The following CDH12 variants were observed in gnomAD, a reference collection of about 807,000 sequenced individuals.
CDH12 encodes the protein cadherin 12.
CDH12 carries 41 observed loss-of-function variants against 74.1 expected under a neutral mutation model. The observed-to-expected ratio is 0.55, with a 90% CI of 0.43 to 0.72. CDH12 has a LOEUF of 0.72. Among genes scored for constraint, CDH12 ranks in the 30% least tolerant of loss-of-function variants. The probability of loss-of-function intolerance (pLI) is 0.00; values close to 1 mark genes in which losing one functional copy is unlikely to be tolerated. For missense variants in CDH12, 945 were observed against 977.2 expected (o/e 0.97, Z 0.44); for synonymous variants, 399 against 355.0 (o/e 1.12, Z -1.39).
chr5:22,769,714 G>T (rs1211446175), intron 1 of CDH12, among the ~76,000 whole-genome samples: 2 of 151,980 alleles, frequency 1.3e-5, no homozygotes, highest in Non-Finnish European at 2.9e-5. Flanking sequence ...ACCCATCCCT[G>T]CAAATGAAGA....
chr5:22,844,207 C>G (rs1215344656), intron 1 of CDH12, among the ~76,000 whole-genome samples: 1 of 152,056 alleles, frequency 6.6e-6, no homozygotes. Context: ...AGTCATCATA[C>G]ACAAAGCTTC....
chr5:22,509,735 G>C (rs1736524500), intron 1 of CDH12, among the ~76,000 whole-genome samples: 1 of 152,126 alleles, frequency 6.6e-6, no homozygotes, highest in African/African-American at 2.4e-5. Context: ...AAAATCTTCT[G>C]TCCACTAGTA....
chr5:22,083,793 T>C (rs553059267), intron 4 of CDH12, among the ~76,000 whole-genome samples: 42 of 152,082 alleles, frequency 2.8e-4, no homozygotes, highest in Non-Finnish European at 4.4e-4. Flanking sequence ...CCTCTGTTAA[T>C]AGATATAAAA....
intron 1 of CDH12, among the ~76,000 whole-genome samples, chr5:22,660,896 C>T (rs1740313294): frequency 6.6e-6 from 1 of 152,064 alleles, no homozygotes; most frequent in African/African-American, 2.4e-5. Flanking sequence ...AACTATTTAA[C>T]ATTCATTGAT....
chr5:22,015,040 C>G (rs1737518688), intron 5 of CDH12, among the ~76,000 whole-genome samples: 1 of 152,044 alleles, frequency 6.6e-6, no homozygotes, highest in South Asian at 2.1e-4. Flanking sequence ...TCTAAGGAAG[C>G]AAAACAATGG....
At chr5:21,977,362 T>A (rs1757112862) in intron 5 of CDH12, among the ~76,000 whole-genome samples, 1 of 152,100 alleles carries the variant, frequency 6.6e-6, no homozygotes, top group Non-Finnish European at 1.5e-5. Flanking sequence ...AATTATAAAT[T>A]TCAACCATGC....
At chr5:22,414,512 G>C (rs1029984273) in intron 2 of CDH12, among the ~76,000 whole-genome samples, 4 of 151,906 alleles carry the variant, frequency 2.6e-5, no homozygotes, top group Non-Finnish European at 5.9e-5. Context: ...CAAAAGCAAA[G>C]AGGTATTGGT....
intron 3 of CDH12, among the ~76,000 whole-genome samples, chr5:22,232,207 T>A (rs574679952): frequency 2.0e-5 from 3 of 151,928 alleles, no homozygotes; most frequent in Non-Finnish European, 4.4e-5. Flanking sequence ...AATAAATATA[T>A]AAAAACAATT....
chr5:22,569,662 T>C (rs1340797438), intron 1 of CDH12, among the ~76,000 whole-genome samples: 1 of 152,182 alleles, frequency 6.6e-6, no homozygotes, highest in African/African-American at 2.4e-5. Context: ...CCAGAAACCA[T>C]TTTATTAGAT....
In CDH12 at chr5:22,634,653, A is replaced by T. The variant is rs545326117; in HGVS notation, c.-522-129289T>A. ...TTCAAGATCACCGCTGAATACTTTC[A>T]TATCCCACTTTCAGTAATGGATGTA... On this transcript the variant is annotated intron_variant, in intron 1 of 14. Coordinates refer to ENST00000382254, the MANE Select transcript of CDH12 (RefSeq NM_004061.5). Among the ~76,000 whole-genome samples, 7 of 152,286 alleles carry T rather than the reference A, an allele frequency of 4.6e-5. No individual in the cohort carries two copies. In the South Asian group the frequency reaches 1.2e-3, roughly 27 times the overall value.
intron 1 of CDH12, among the ~76,000 whole-genome samples, chr5:22,723,035 G>T (rs573447305): frequency 5.9e-5 from 9 of 152,112 alleles, no homozygotes; most frequent in Non-Finnish European, 7.4e-5. Flanking sequence ...TGGTTGAGGA[G>T]CAATATAACT....
intron 3 of CDH12, among the ~76,000 whole-genome samples, chr5:22,277,632 A>AACCTGAGGTTGGGTCAG (rs77560720): frequency 6.6e-6 from 1 of 152,018 alleles, no homozygotes; most frequent in African/African-American, 2.4e-5. Flanking sequence ...TGGGAGTTCC[A>AACCTGAGGTTGGGTCAG]GACCAGCCTG....
Position 21,928,363 on chromosome 5 carries a change from G to GA in CDH12, c.526+46727dup, listed in dbSNP as rs535348890. 9.8e-5 allele frequency among the ~76,000 whole-genome samples: 15 copies of GA among 152,310 alleles called. No homozygotes were observed. In the East Asian group the frequency reaches 2.5e-3, roughly 25 times the overall value. The stretch of plus-strand genomic sequence containing the variant: ...TGTTCCTAGCATGGAGTTAGTGGGA[G>GA]AAAAAATAGCCACTTTACATTTGGA... On this transcript the variant is annotated intron_variant, in intron 6 of 14. Transcript: ENST00000382254.
chr5:22,347,561 G>C (rs1397103168), intron 3 of CDH12, among the ~76,000 whole-genome samples: 1 of 151,956 alleles, frequency 6.6e-6, no homozygotes, highest in Non-Finnish European at 1.5e-5. Context: ...GCCTATTGTG[G>C]GACTTCACCT....
chr5:22,314,005 T>C (rs1337381016), intron 3 of CDH12, among the ~76,000 whole-genome samples: 4 of 152,160 alleles, frequency 2.6e-5, no homozygotes, highest in African/African-American at 9.7e-5. Context: ...TTTAAGAATG[T>C]ATGGTAGGGC....
intron 6 of CDH12, among the ~76,000 whole-genome samples, chr5:21,895,336 T>C (rs1753074230): frequency 6.6e-6 from 1 of 152,296 alleles, no homozygotes; most frequent in Middle Eastern, 3.4e-3. Context: ...GCATTAAGAT[T>C]CCACATGGGA....
intron 6 of CDH12, among the ~76,000 whole-genome samples, chr5:21,922,386 A>G (rs769586440): frequency 2.0e-5 from 3 of 152,158 alleles, no homozygotes; most frequent in Non-Finnish European, 2.9e-5. Flanking sequence ...TTGCTTCTTA[A>G]TGGCTAAAAT....
rs568194597 is a variant in CDH12 at position 22,287,452 on chromosome 5, C to T, written c.-332-74809G>A. On this transcript the variant is annotated intron_variant, in intron 3 of 14. Transcript: ENST00000382254. ...AATAAAATGTATAACAGGCTGGGCG[C>T]GGTGGCTCACGCCTGTAATCCCAGC... Among the ~76,000 whole-genome samples, 507 of 152,036 alleles carry T rather than the reference C, an allele frequency of 3.3e-3. 2 individuals carry two copies. Among genetic ancestry groups the T allele is most frequent in the Admixed American group, 5.8e-3 (89 of 15,276 alleles).
intron 1 of CDH12, among the ~76,000 whole-genome samples, chr5:22,507,801 A>T (rs906047961): frequency 6.6e-6 from 1 of 152,200 alleles, no homozygotes; most frequent in African/African-American, 2.4e-5. Context: ...CAGAATTCTG[A>T]AATCAATAAA....
Sources: gnomAD v4.1 joint callset for allele counts (sites outside exome capture counted in the v4.1 genomes callset) on GRCh38, gnomAD v4.1.1 for gene constraint, MANE v1.5 for transcripts, NCBI Gene and HGNC (gene_info 2026-07-23, HGNC 2026-07-21) for gene names.